Variants in VPS54 observed in about 807,000 individuals in gnomAD.
VPS54 encodes the protein VPS54 subunit of GARP complex.
A neutral mutation model predicts 121.5 loss-of-function variants in VPS54; 45 were observed. The observed-to-expected ratio is 0.37, with a 90% CI of 0.29 to 0.47. The LOEUF (loss-of-function observed/expected upper bound fraction) is 0.47. Among genes scored for constraint, VPS54 ranks in the 20% least tolerant of loss-of-function variants. The probability of loss-of-function intolerance (pLI) is 0.99; values close to 1 mark genes in which losing one functional copy is unlikely to be tolerated. For missense variants in VPS54, 1,090 were observed against 1,131.4 expected, an observed-to-expected ratio of 0.96 and a Z score of 0.52; for synonymous variants, 371 against 385.8, an observed-to-expected ratio of 0.96 and a Z score of 0.45.
intron 1 of VPS54, among the ~76,000 whole-genome samples, chr2:64,009,844 AC>A (rs1171338400): frequency 2.2e-5 from 2 of 92,740 alleles, no homozygotes; most frequent in African/African-American, 4.1e-5. Context: ...CATATAATTG[AC>A]CCTTTTTTTT....
chr2:63,999,837 C>G (rs906590310), intron 1 of VPS54, among the ~76,000 whole-genome samples: 4 of 151,924 alleles, frequency 2.6e-5, no homozygotes, highest in African/African-American at 9.7e-5. Context: ...TTCAAGCTCA[C>G]TAACTCTTTC....
chr2:63,897,352 G>GAAA, intron 22 of VPS54, 144 bp downstream of exon 22: 1 of 514,578 alleles, frequency 1.9e-6, no homozygotes. Flanking sequence ...TTCCACAGGG[G>GAAA]AAAAAAAAAA....
chr2:63,934,581 G>C (rs552469015), intron 11 of VPS54, among the ~76,000 whole-genome samples: 1 of 152,166 alleles, frequency 6.6e-6, no homozygotes, highest in African/African-American at 2.4e-5. Context: ...TCTCATCACT[G>C]AGGTTCTGGC....
intron 5 of VPS54, 118 bp downstream of exon 5, chr2:63,968,839 C>G (rs115315393): frequency 1.3e-6 from 1 of 790,430 alleles, no homozygotes; most frequent in East Asian, 2.6e-5. Flanking sequence ...CACAGCCCCA[C>G]AAGAGACAAA....
intron 12 of VPS54, among the ~76,000 whole-genome samples, chr2:63,929,383 A>G (rs1674073514): frequency 6.6e-6 from 1 of 152,222 alleles, no homozygotes; most frequent in African/African-American, 2.4e-5. Context: ...ACTCAACTAC[A>G]TGGAAACTGA....
rs559396051 is a variant in VPS54 at position 63,993,888 on chromosome 2, C to A, written c.-20-9869G>T. On this transcript the variant is annotated intron_variant, in intron 1 of 22. Transcript: ENST00000272322. ...AACAAGCTTATTTCTACCCCTTATA[C>A]CTCTGCTCAAAAGGCAGAGTTAAAT... Among the ~76,000 whole-genome samples, 8 of 152,290 alleles carry A rather than the reference C, an allele frequency of 5.3e-5. No homozygotes were observed. The South Asian group carries it at 1.0e-3, about 20-fold the overall frequency.
Position 63,898,554 on chromosome 2 carries a change from C to T in VPS54, c.2733+920G>A, listed in dbSNP as rs529303415. On this transcript the variant is annotated intron_variant, in intron 21 of 22. Transcript: ENST00000272322. ...GAGGTAGCATAGGAAAGGAGACCAG[C>T]AGGACCAACAGTAGGCAAGAGACAC... Among the ~76,000 whole-genome samples the T allele has an allele frequency of 6.6e-4, 100 of 152,206 alleles. 1 individual carries two copies. In the South Asian group the frequency reaches 0.02, roughly 31 times the overall value.
At chr2:63,948,885 T>C (rs1675112183) in intron 8 of VPS54, 152 bp downstream of exon 8, 1 of 786,446 alleles carries the variant, frequency 1.3e-6, no homozygotes, top group African/African-American at 1.8e-5. Context: ...TCATGGTGCT[T>C]GCTCAAGTCA....
At chr2:63,997,796 T>C (rs543499998) in intron 1 of VPS54, among the ~76,000 whole-genome samples, 12 of 152,160 alleles carry the variant, frequency 7.9e-5, no homozygotes, top group Non-Finnish European at 1.5e-4. Context: ...TAGGTTTTTA[T>C]TTAAAGTTTT....
chr2:63,996,497 A>G (rs958256489), intron 1 of VPS54, among the ~76,000 whole-genome samples: 1 of 152,218 alleles, frequency 6.6e-6, no homozygotes, highest in African/African-American at 2.4e-5. Context: ...CCTTGAAAAA[A>G]GAACAGGATA....
chr2:63,937,805 T>C (rs1279835860), intron 11 of VPS54, among the ~76,000 whole-genome samples: 1 of 152,144 alleles, frequency 6.6e-6, no homozygotes, highest in Admixed American at 6.5e-5. Flanking sequence ...TGGAATATTA[T>C]TCATATTACT....
intron 1 of VPS54, among the ~76,000 whole-genome samples, chr2:64,004,822 A>C (rs1678049045): frequency 6.6e-6 from 1 of 152,208 alleles, no homozygotes; most frequent in South Asian, 2.1e-4. Flanking sequence ...ACTGTCACCC[A>C]GGCTGGAGTG....
chr2:63,951,496 C>A (rs1675242258), intron 7 of VPS54, among the ~76,000 whole-genome samples: 1 of 152,104 alleles, frequency 6.6e-6, no homozygotes. Flanking sequence ...TGACTAGCAT[C>A]ACTTCAGCTC....
intron 7 of VPS54, among the ~76,000 whole-genome samples, chr2:63,951,184 A>G (rs1675221955): frequency 2.0e-5 from 3 of 147,872 alleles, no homozygotes. Context: ...TTGTAGCTGG[A>G]GTGAGGACTT....
At position 63,913,213 on chromosome 2, in the gene VPS54, G is replaced by C; in HGVS notation, c.2422+10C>G. 1 of 1,606,112 alleles carries C rather than the reference G, an allele frequency of 6.2e-7. No individual in the cohort carries two copies. The highest frequency in any genetic ancestry group is 2.3e-5 in the East Asian group (1 of 44,300). Reference sequence around the variant, plus strand: ...ACTTCAGCAAGTGAATTAAACGCAAGAATCCATACCCAAATTTTTTGTAGT... The same window carrying C: ...ACTTCAGCAAGTGAATTAAACGCAACAATCCATACCCAAATTTTTTGTAGT... On this transcript the variant is annotated intron_variant, in intron 18 of 22. Transcript: ENST00000272322.
At chr2:63,939,357 T>C (rs191396019) in intron 11 of VPS54, among the ~76,000 whole-genome samples, 175 of 151,200 alleles carry the variant, frequency 1.2e-3, no homozygotes, top group Non-Finnish European at 1.5e-3. Flanking sequence ...GGCGACAGAG[T>C]GAAACTCTAC....
At chr2:63,924,097 T>C (rs1275499808) in intron 12 of VPS54, among the ~76,000 whole-genome samples, 1 of 152,170 alleles carries the variant, frequency 6.6e-6, no homozygotes, top group African/African-American at 2.4e-5. Context: ...AGGTTCAATG[T>C]ATAAAGTGAG....
At chr2:63,979,234 T>C (rs1676690138) in intron 3 of VPS54, among the ~76,000 whole-genome samples, 1 of 151,154 alleles carries the variant, frequency 6.6e-6, no homozygotes, top group Non-Finnish European at 1.5e-5. Context: ...CTTTCTTTTT[T>C]CTGTTTGTTT....
chr2:63,961,966 T>C, intron 7 of VPS54, 92 bp downstream of exon 7: 1 of 1,295,604 alleles, frequency 7.7e-7, no homozygotes, highest in Non-Finnish European at 1.0e-6. Flanking sequence ...CCATTTAACT[T>C]TGAATATATT....
Sources: gnomAD v4.1 joint callset for allele counts (sites outside exome capture counted in the v4.1 genomes callset) on GRCh38, gnomAD v4.1.1 for gene constraint, MANE v1.5 for transcripts, NCBI Gene and HGNC (gene_info 2026-07-23, HGNC 2026-07-21) for gene names.